The following GSPT1 variants were observed in gnomAD, a reference collection of about 807,000 sequenced individuals.
GSPT1 encodes eukaryotic peptide chain release factor GTP-binding subunit ERF3A.
A neutral mutation model predicts 72.5 loss-of-function variants in GSPT1; 20 were observed. That is an observed-to-expected ratio of 0.28 (90% CI 0.19 to 0.40). GSPT1 has a LOEUF of 0.40. Ranked by LOEUF, GSPT1 falls within the 10% of genes least tolerant of loss-of-function variation. The pLI, the probability that GSPT1 is intolerant of heterozygous loss-of-function variation, is 1.00. For synonymous variants in GSPT1, 334 were observed against 293.5 expected (o/e 1.14, Z -1.41); for missense variants, 580 against 811.9 (o/e 0.71, Z 3.47).
rs1210411199 is a variant in GSPT1 at position 11,915,858 on chromosome 16, G to A, written c.-138C>T. The A allele has an allele frequency of 3.0e-6, 4 of 1,346,510 alleles. No individual in the cohort carries two copies. Among genetic ancestry groups the A allele is most frequent in the South Asian group, 1.2e-5 (1 of 85,854 alleles). 83.4% of individuals were successfully genotyped at this position (1,346,510 alleles called of 1,614,324 possible). A position where few individuals can be genotyped will look rare whatever the true frequency, so the allele number is the denominator to read the frequency against. Reference sequence around the variant, plus strand: ...CGGGAGCTAGCGACAAAGATCCCCGGCGTCGCCGCGGCAGCAGCTCCAGTC... The same window carrying A: ...CGGGAGCTAGCGACAAAGATCCCCGACGTCGCCGCGGCAGCAGCTCCAGTC... On this transcript the variant is annotated 5_prime_UTR_variant, in exon 1 of 15. Coordinates refer to ENST00000434724, the MANE Select transcript of GSPT1 (RefSeq NM_002094.4).
intron 5 of GSPT1, among the ~76,000 whole-genome samples, chr16:11,892,829 C>CAAAAAAAAAAAAAAAAAAAAAAAAAAAA (rs57546698): frequency 9.6e-5 from 3 of 31,224 alleles, no homozygotes; most frequent in African/African-American, 4.3e-4. Flanking sequence ...GATTCTGTCT[C>CAAAAAAAAAAAAAAAAAAAAAAAAAAAA]AAAAAAAAAA....
intron 1 of GSPT1, among the ~76,000 whole-genome samples, chr16:11,899,564 T>C (rs1285659602): frequency 1.3e-5 from 2 of 152,066 alleles, no homozygotes; most frequent in African/African-American, 4.8e-5. Context: ...CCCCAAGCTG[T>C]GGGATGAGCA....
At chr16:11,893,958 C>G (rs2054301806) in intron 5 of GSPT1, among the ~76,000 whole-genome samples, 1 of 151,658 alleles carries the variant, frequency 6.6e-6, no homozygotes, top group Non-Finnish European at 1.5e-5. Flanking sequence ...AGGTCAAGAC[C>G]AGCCTGGGCA....
At chr16:11,911,544 C>A (rs1306086896) in intron 1 of GSPT1, among the ~76,000 whole-genome samples, 2 of 130,504 alleles carry the variant, frequency 1.5e-5, no homozygotes, top group African/African-American at 5.8e-5. Flanking sequence ...TGCCACCACA[C>A]CCAGCTATTT....
intron 14 of GSPT1, 31 bp from the exon 15 acceptor site, chr16:11,873,202 G>T (rs376066590): frequency 7.4e-6 from 8 of 1,087,170 alleles, no homozygotes; most frequent in African/African-American, 1.6e-5. Flanking sequence ...AAATCTTTCA[G>T]TAGTTAACAG....
intron 1 of GSPT1, among the ~76,000 whole-genome samples, chr16:11,904,841 T>A (rs1052000979): frequency 2.0e-5 from 3 of 152,048 alleles, no homozygotes; most frequent in African/African-American, 4.8e-5. Context: ...AAACCAACAC[T>A]CTGGGAAGCA....
At chr16:11,902,026 T>C (rs1286259151) in intron 1 of GSPT1, among the ~76,000 whole-genome samples, 1 of 147,596 alleles carries the variant, frequency 6.8e-6, no homozygotes, top group Admixed American at 6.7e-5. Context: ...GAGGCAGAGG[T>C]TGCAGTGAGC....
At chr16:11,903,451 G>A (rs796874321) in intron 1 of GSPT1, among the ~76,000 whole-genome samples, 29 of 152,284 alleles carry the variant, frequency 1.9e-4, no homozygotes, top group African/African-American at 6.0e-4. Flanking sequence ...CGAGGCGGAG[G>A]TTGCAGTGAG....
chr16:11,903,822 C>A (rs371534353), intron 1 of GSPT1: 2 of 152,252 alleles, frequency 1.3e-5, no homozygotes, highest in Admixed American at 1.3e-4. Flanking sequence ...TTTATCAAGA[C>A]GAACTATTAG....
chr16:11,895,017 G>C, intron 4 of GSPT1, 30 bp from the exon 5 acceptor site: 1 of 1,532,304 alleles, frequency 6.5e-7, no homozygotes, highest in South Asian at 1.2e-5. Context: ...GCAAACCATA[G>C]GTTAAAACCA....
At chr16:11,889,147 A>G (rs1222289915) in intron 6 of GSPT1, among the ~76,000 whole-genome samples, 1 of 151,586 alleles carries the variant, frequency 6.6e-6, no homozygotes, top group Non-Finnish European at 1.5e-5. Flanking sequence ...TCTCTACTAA[A>G]AATACAAAAA....
upstream of GSPT1, chr16:11,916,005 C>A (rs1567457029): frequency 2.9e-6 from 2 of 678,242 alleles, no homozygotes; most frequent in African/African-American, 3.6e-5. Context: ...GCCAACCCCA[C>A]CCCCGGCGCG....
intron 5 of GSPT1, among the ~76,000 whole-genome samples, chr16:11,892,523 C>CAAAAAAAAAAAAAAAAAAAAAA (rs1452581943): frequency 8.6e-6 from 1 of 116,064 alleles, no homozygotes; most frequent in Non-Finnish European, 1.8e-5. Flanking sequence ...ACAAAAAAAA[C>CAAAAAAAAAAAAAAAAAAAAAA]AAAAAAAACA....
At chr16:11,898,944 T>G (rs1435043565) in intron 1 of GSPT1, among the ~76,000 whole-genome samples, 1 of 152,200 alleles carries the variant, frequency 6.6e-6, no homozygotes, top group Non-Finnish European at 1.5e-5. Flanking sequence ...AACAATCCAG[T>G]TTCCAGTTGC....
chr16:11,911,956 G>C (rs961086211), intron 1 of GSPT1, among the ~76,000 whole-genome samples: 2 of 134,072 alleles, frequency 1.5e-5, no homozygotes, highest in Admixed American at 1.8e-4. Flanking sequence ...GCCTCCCAGA[G>C]TGTTGGGTTT....
intron 7 of GSPT1, 121 bp downstream of exon 7, chr16:11,887,449 C>A: frequency 1.4e-6 from 1 of 739,246 alleles, no homozygotes; most frequent in East Asian, 2.6e-5. Context: ...AAACTGTGAC[C>A]GTGTACATCA....
At chr16:11,904,420 T>C (rs1170216790) in intron 1 of GSPT1, among the ~76,000 whole-genome samples, 1 of 152,088 alleles carries the variant, frequency 6.6e-6, no homozygotes, top group Non-Finnish European at 1.5e-5. Context: ...GCCAGGATGG[T>C]CTCGATCTCC....
intron 1 of GSPT1, among the ~76,000 whole-genome samples, chr16:11,900,591 C>G (rs2054394019): frequency 6.6e-6 from 1 of 152,102 alleles, no homozygotes; most frequent in East Asian, 1.9e-4. Context: ...GCAGGCATTT[C>G]CAAGTTATGC....
rs1208592741 is a variant in GSPT1, at chr16:11,871,228, A to T, written c.*1891T>A. 6.6e-6 allele frequency: 1 copy of T among 152,206 alleles called. No homozygotes were observed. Among genetic ancestry groups the T allele is most frequent in the Non-Finnish European group, 1.5e-5 (1 of 68,036 alleles). 9.4% of individuals were successfully genotyped at this position (152,206 alleles called of 1,614,324 possible). A position where few individuals can be genotyped will look rare whatever the true frequency, so the allele number is the denominator to read the frequency against. ...GTAGGACAATAACTTTGCTCTGTCC[A>T]TAAGATGTAGCCTCATTCAAGAAAT... On this transcript the variant is annotated 3_prime_UTR_variant, in exon 15 of 15. Coordinates refer to ENST00000434724, the MANE Select transcript of GSPT1 (RefSeq NM_002094.4).
Sources: allele counts gnomAD v4.1 joint callset (sites outside exome capture counted in the v4.1 genomes callset), GRCh38; gene constraint gnomAD v4.1.1; transcripts MANE v1.5; gene names NCBI Gene and HGNC (gene_info 2026-07-23, HGNC 2026-07-21).